The following OPN3 variants were observed in gnomAD, a reference collection of about 807,000 sequenced individuals.
OPN3 encodes the protein opsin-3.
OPN3 carries 29 observed loss-of-function variants against 33.8 expected under a neutral mutation model. The observed-to-expected ratio is 0.86, with a 90% CI of 0.64 to 1.17. The LOEUF is 1.17. Ranked by LOEUF, OPN3 falls within the 50% of genes most tolerant of loss-of-function variation. The pLI is 0.00. For synonymous variants in OPN3, 216 were observed against 216.1 expected (o/e 1.00, Z 0.00); for missense variants, 437 against 514.1 (o/e 0.85, Z 1.45).
intron 1 of OPN3, among the ~76,000 whole-genome samples, chr1:241,617,126 G>A (rs372167288): frequency 4.6e-5 from 7 of 151,968 alleles, no homozygotes; most frequent in African/African-American, 1.2e-4. Flanking sequence ...AAGTCTCATC[G>A]TCCCCATTTG....
chr1:241,598,114 T>G, intron 2 of OPN3, 117 bp from the exon 3 acceptor site: 1 of 1,160,788 alleles, frequency 8.6e-7, no homozygotes. Context: ...GAAAGAGAAC[T>G]GAATGGCACC....
intron 1 of OPN3, among the ~76,000 whole-genome samples, chr1:241,615,525 CT>C (rs1301894948): frequency 2.0e-5 from 3 of 152,104 alleles, no homozygotes; most frequent in Non-Finnish European, 4.4e-5. Flanking sequence ...AACAGAAAGC[CT>C]TTCTTAGGAA....
In OPN3 at chr1:241,597,849, C is replaced by T. The variant is rs1202774956; in HGVS notation, c.842G>A (p.Gly281Asp). The T allele has an allele frequency of 6.2e-7, 1 of 1,613,550 alleles. No homozygotes were observed. Among genetic ancestry groups the T allele is most frequent in the Non-Finnish European group, 8.5e-7 (1 of 1,179,930 alleles). ...YIVICFLVVN[G>D]HGHLVTPTIS... ...TGTTGGAGTGACCAGGTGACCATGA[C>T]CATTAACCACCAAGAAGCAGATCAC... Residue 281 changes from glycine to aspartate, a missense_variant, in exon 3 of 4, where the codon GGT becomes GAT. Gly to Asp is a moderately conservative substitution (Grantham distance 94). Coordinates refer to ENST00000366554, the MANE Select transcript of OPN3 (RefSeq NM_014322.3).
chr1:241,636,055 T>C (rs1193201364), intron 1 of OPN3: 5 of 456,320 alleles, frequency 1.1e-5, no homozygotes, highest in Admixed American at 7.6e-5. Context: ...ATATATGCAT[T>C]TGTGACTGGA....
chr1:241,630,685 GT>G (rs1268784680), intron 1 of OPN3: 3 of 151,954 alleles, frequency 2.0e-5, no homozygotes, highest in Non-Finnish European at 4.4e-5. Context: ...AAATGTTTAT[GT>G]TTTCCCAGTA....
chr1:241,625,489 C>T (rs928863030), intron 1 of OPN3, among the ~76,000 whole-genome samples: 15 of 152,130 alleles, frequency 9.9e-5, no homozygotes, highest in Admixed American at 4.6e-4. Flanking sequence ...TGCAGAGGAA[C>T]GGTATTTCTG....
At chr1:241,620,965 C>G (rs1664257725) in intron 1 of OPN3, among the ~76,000 whole-genome samples, 1 of 151,920 alleles carries the variant, frequency 6.6e-6, no homozygotes, top group African/African-American at 2.4e-5. Flanking sequence ...AAATGGACCT[C>G]CATCAAAAGG....
intron 1 of OPN3, among the ~76,000 whole-genome samples, chr1:241,638,081 C>A (rs1006625695): frequency 6.6e-6 from 1 of 152,218 alleles, no homozygotes; most frequent in African/African-American, 2.4e-5. Context: ...AACTTCACTA[C>A]TAACTTGCCC....
At chr1:241,619,938 T>C (rs1377566469) in intron 1 of OPN3, among the ~76,000 whole-genome samples, 1 of 152,132 alleles carries the variant, frequency 6.6e-6, no homozygotes, top group African/African-American at 2.4e-5. Flanking sequence ...AGTCATAAAA[T>C]ATGGTCCTTG....
intron 1 of OPN3, among the ~76,000 whole-genome samples, chr1:241,610,201 T>C (rs1363723379): frequency 6.6e-6 from 1 of 152,248 alleles, no homozygotes; most frequent in Non-Finnish European, 1.5e-5. Context: ...CTGCCCGGCA[T>C]GTTCACTCAG....
chr1:241,599,862 G>A (rs968420674), intron 2 of OPN3, among the ~76,000 whole-genome samples: 20 of 152,078 alleles, frequency 1.3e-4, no homozygotes, highest in African/African-American at 4.8e-4. Flanking sequence ...TGACTTTGTG[G>A]GGTTGTTTTT....
intron 1 of OPN3, among the ~76,000 whole-genome samples, chr1:241,611,291 G>A (rs1039628217): frequency 2.6e-5 from 4 of 151,988 alleles, no homozygotes; most frequent in African/African-American, 4.8e-5. Flanking sequence ...GGCCATGACC[G>A]AGACCTGTCA....
At chr1:241,598,273 TAATAAG>T (rs1486762750) in intron 2 of OPN3, among the ~76,000 whole-genome samples, 7 of 152,128 alleles carry the variant, frequency 4.6e-5, no homozygotes, top group Non-Finnish European at 1.0e-4. Flanking sequence ...CTTATTTACT[TAATAAG>T]AATAACATTA....
intron 2 of OPN3, among the ~76,000 whole-genome samples, chr1:241,603,345 A>T (rs1663728441): frequency 6.6e-6 from 1 of 152,212 alleles, no homozygotes; most frequent in African/African-American, 2.4e-5. Flanking sequence ...CAGTAGGGTG[A>T]GAAATTAAAA....
intron 1 of OPN3, chr1:241,630,505 A>G (rs975747628): frequency 9.2e-5 from 14 of 152,106 alleles, no homozygotes; most frequent in African/African-American, 1.4e-4. Context: ...AGTCTTTGTT[A>G]GTACATTTTT....
rs1328347102 is a variant in OPN3, at chr1:241,635,878, T to A, written c.373+4004A>T. ...TCCAGTTATCCCAGAAGCACTGAAG[T>A]TGCAGGTCCTAGCTGTTTAACGGTT... On this transcript the variant is annotated intron_variant, in intron 1 of 3. Transcript: ENST00000366554. 6 of 1,076,612 alleles carry A rather than the reference T, an allele frequency of 5.6e-6. No homozygotes were observed. In the African/African-American group the frequency reaches 8.0e-5, roughly 14 times the overall value. 66.7% of individuals were successfully genotyped at this position (1,076,612 alleles called of 1,614,324 possible).
At chr1:241,637,042 CCT>C (rs1470979724) in intron 1 of OPN3, among the ~76,000 whole-genome samples, 2 of 152,080 alleles carry the variant, frequency 1.3e-5, no homozygotes, top group African/African-American at 4.8e-5. Context: ...TGTGTGATGC[CCT>C]GTGTGGCCAG....
intron 3 of OPN3, 43 bp from the exon 4 acceptor site, chr1:241,594,734 G>T: frequency 3.1e-6 from 5 of 1,590,538 alleles, no homozygotes; most frequent in Non-Finnish European, 4.3e-6. Flanking sequence ...GTAAAAGTTG[G>T]GCACTAATCT....
rs1254454664 is a variant in OPN3, at chr1:241,593,333, A to G, written c.*1095T>C. 2.4e-6 allele frequency: 1 copy of G among 424,736 alleles called. No homozygotes were observed. The highest frequency in any genetic ancestry group is 5.1e-6 in the Non-Finnish European group (1 of 194,612). The allele number at this position is 424,736 out of a possible 1,614,324, so 26.3% of individuals were successfully genotyped here. On this transcript the variant is annotated 3_prime_UTR_variant, in exon 4 of 4. Coordinates refer to ENST00000366554, the MANE Select transcript of OPN3 (RefSeq NM_014322.3). ...GATTTTTAAAAGCACATTTAGTGAA[A>G]TGTTTTCTTTGGTTCATCCTTCTTT...
Sources: allele counts gnomAD v4.1 joint callset (sites outside exome capture counted in the v4.1 genomes callset), GRCh38; gene constraint gnomAD v4.1.1; transcripts MANE v1.5; gene names NCBI Gene and HGNC (gene_info 2026-07-23, HGNC 2026-07-21).